Variants in EIF3B observed in about 807,000 individuals in gnomAD.
EIF3B encodes the protein eukaryotic translation initiation factor 3 subunit 9.
Under a neutral mutation model 104.6 loss-of-function variants are expected in EIF3B, and 10 were observed. The ratio of observed to expected loss-of-function variants is 0.10; its 90% CI spans 0.06 to 0.16. The LOEUF is 0.16. EIF3B is among the 10% of genes least tolerant of loss of function. The pLI, the probability that EIF3B is intolerant of heterozygous loss-of-function variation, is 1.00. For synonymous variants in EIF3B, 542 were observed against 417.2 expected, an observed-to-expected ratio of 1.30 and a Z score of -3.65; for missense variants, 1,014 against 1,087.9, an observed-to-expected ratio of 0.93 and a Z score of 0.96.
intron 12 of EIF3B, chr7:2,373,813 C>T (rs1271789167): frequency 6.6e-6 from 1 of 152,232 alleles, no homozygotes; most frequent in South Asian, 2.1e-4. Flanking sequence ...CGCATGGGCT[C>T]CATCCCATGC....
In EIF3B at chr7:2,371,933, T is replaced by C. The variant is rs1340075388; in HGVS notation, c.1687+84T>C. ...GCTTTAACACTTCCATGCGAGGGGT[T>C]GTCTGAGCAGCTGAGTCAGGACTGT... On this transcript the variant is annotated intron_variant, in intron 11 of 18. Transcript: ENST00000360876. 1.1e-5 allele frequency: 12 copies of C among 1,113,526 alleles called. No individual in the cohort carries two copies. In the East Asian group the frequency reaches 2.1e-4, roughly 20 times the overall value. 69.0% of individuals were successfully genotyped at this position (1,113,526 alleles called of 1,614,324 possible). A position where few individuals can be genotyped will look rare whatever the true frequency, so the allele number is the denominator to read the frequency against.
At chr7:2,354,576 G>A (rs1035147277), upstream of EIF3B, among the ~76,000 whole-genome samples, 2 of 152,158 alleles carry the variant, frequency 1.3e-5, no homozygotes, top group African/African-American at 4.8e-5. Context: ...AAGGAAAGGG[G>A]GAGGACGCCA....
rs764241025 is a variant in EIF3B, at chr7:2,375,497, C to T, written c.1998C>T (p.Val666=). The change falls in exon 14 of 19, where the codon GTC becomes GTT. Residue 666 remains valine (V), a synonymous_variant. Coordinates refer to ENST00000360876, the MANE Select transcript of EIF3B (RefSeq NM_001037283.2). ...AATGGGATCCTACTGGGCGCTACGT[C>T]GTCACCTCTGTGTCCTGGTGGAGCC... is the stretch of plus-strand genomic sequence containing the variant. ...DVEWDPTGRY[V]VTSVSWWSHK... is the part of the protein sequence containing the mutation. The T allele has an allele frequency of 4.3e-5, 70 of 1,614,106 alleles. No individual in the cohort carries two copies. Among genetic ancestry groups the T allele is most frequent in the Non-Finnish European group, 5.7e-5 (67 of 1,180,052 alleles).
intron 12 of EIF3B, 150 bp from the exon 13 acceptor site, chr7:2,374,378 T>A (rs1780523529): frequency 1.5e-6 from 1 of 651,514 alleles, no homozygotes; most frequent in Non-Finnish European, 2.7e-6. Flanking sequence ...TACTTGGCGA[T>A]GGACTTTGTA....
At chr7:2,361,807 C>G (rs1359685558) in intron 2 of EIF3B, among the ~76,000 whole-genome samples, 2 of 151,958 alleles carry the variant, frequency 1.3e-5, no homozygotes, top group African/African-American at 2.4e-5. Flanking sequence ...TTGAGACAGT[C>G]TCACTCTTGC....
Position 2,354,919 on chromosome 7 carries a change from C to T in EIF3B, c.-3C>T, listed in dbSNP as rs778542843. ...AGCCCTGCGAGTAGGCAGCGTTGGG[C>T]CCATGCAGGACGCGGAGAACGTGGC... On this transcript the variant is annotated 5_prime_UTR_variant, in exon 1 of 19. Coordinates refer to ENST00000360876, the MANE Select transcript of EIF3B (RefSeq NM_001037283.2). 7 of 1,227,532 alleles carry T rather than the reference C, an allele frequency of 5.7e-6. No homozygotes were observed. Among genetic ancestry groups the T allele is most frequent in the South Asian group, 4.4e-5 (2 of 45,142 alleles). The allele number at this position is 1,227,532 out of a possible 1,614,324, so 76.0% of individuals were successfully genotyped here.
chr7:2,367,348 C>G (rs573224767), intron 9 of EIF3B, among the ~76,000 whole-genome samples: 132 of 152,202 alleles, frequency 8.7e-4, no homozygotes, highest in South Asian at 1.5e-3. Flanking sequence ...CTCCCACCCC[C>G]CAAAAGGCCC....
At chr7:2,374,468 G>A (rs1780528871) in intron 12 of EIF3B, 60 bp from the exon 13 acceptor site, 2 of 1,555,976 alleles carry the variant, frequency 1.3e-6, no homozygotes, top group Non-Finnish European at 1.8e-6. Flanking sequence ...CTCCAGCCTT[G>A]GCTGCCCCGG....
At chr7:2,376,611 G>T (rs531072756) in intron 14 of EIF3B, 2 of 246,214 alleles carry the variant, frequency 8.1e-6, no homozygotes, top group Non-Finnish European at 1.6e-5. Flanking sequence ...TTTGGCACAG[G>T]GTTCAGTCCA....
intron 6 of EIF3B, among the ~76,000 whole-genome samples, chr7:2,364,905 T>G (rs1166546425): frequency 6.6e-6 from 1 of 152,272 alleles, no homozygotes; most frequent in Non-Finnish European, 1.5e-5. Flanking sequence ...AATAATGTTC[T>G]GTATAATACT....
At chr7:2,354,802 G>T, upstream of EIF3B, 1 of 927,818 alleles carries the variant, frequency 1.1e-6, no homozygotes, top group Non-Finnish European at 1.3e-6. Context: ...CCGCGGCCTT[G>T]GTGCGGCCTC....
In EIF3B at chr7:2,380,417, C is replaced by A. The variant is rs533186745; in HGVS notation, c.*228C>A. The stretch of plus-strand genomic sequence containing the variant: ...CGACACATTTTTGTGCCTTTCAGCC[C>A]CTGGTGTCTGCAGTGGGGGATTTAA... On this transcript the variant is annotated 3_prime_UTR_variant, in exon 19 of 19. Transcript: ENST00000360876. The A allele has an allele frequency of 7.5e-5, 39 of 518,628 alleles. No homozygotes were observed. The highest frequency in any genetic ancestry group is 5.2e-4 in the South Asian group (37 of 71,574). 32.1% of individuals were successfully genotyped at this position (518,628 alleles called of 1,614,324 possible).
rs543134528 is a variant in EIF3B at position 2,374,180 on chromosome 7, G to A, written c.1811-348G>A. On this transcript the variant is annotated intron_variant, in intron 12 of 18. Coordinates refer to ENST00000360876, the MANE Select transcript of EIF3B (RefSeq NM_001037283.2). The stretch of plus-strand genomic sequence containing the variant: ...CCAAAGACGCCTTGTCGCTAGGAGA[G>A]TGGCTTTGGTCTTTTGGGGTCACAC... 6 of 201,774 alleles carry A rather than the reference G, an allele frequency of 3.0e-5. No individual in the cohort carries two copies. The East Asian group carries it at 6.8e-4, about 23-fold the overall frequency. 12.5% of individuals were successfully genotyped at this position (201,774 alleles called of 1,614,324 possible). A position where few individuals can be genotyped will look rare whatever the true frequency, so the allele number is the denominator to read the frequency against.
chr7:2,378,210 G>C (rs55924724), intron 15 of EIF3B: 466 of 109,624 alleles, frequency 4.3e-3, no homozygotes, highest in Middle Eastern at 0.011. Context: ...AAGCCGTGTT[G>C]TGTGAATGAC....
intron 1 of EIF3B, among the ~76,000 whole-genome samples, chr7:2,358,974 C>T (rs769392202): frequency 6.6e-5 from 10 of 152,104 alleles, no homozygotes; most frequent in Non-Finnish European, 1.5e-4. Context: ...GTCCCTGCTA[C>T]TTGGGAGGCT....
intron 1 of EIF3B, among the ~76,000 whole-genome samples, chr7:2,358,675 C>A (rs534393052): frequency 6.6e-6 from 1 of 152,048 alleles, no homozygotes; most frequent in African/African-American, 2.4e-5. Context: ...TACAGGCACC[C>A]ACCACCATGC....
chr7:2,375,350 C>A, intron 13 of EIF3B, 39 bp from the exon 14 acceptor site: 1 of 1,609,930 alleles, frequency 6.2e-7, no homozygotes, highest in Non-Finnish European at 8.5e-7. Context: ...AGGAGGTATG[C>A]GTCTCCATGA....
At chr7:2,368,983 G>A (rs141375787) in intron 9 of EIF3B, among the ~76,000 whole-genome samples, 56 of 152,348 alleles carry the variant, frequency 3.7e-4, no homozygotes, top group African/African-American at 1.3e-3. Context: ...CTCAGGAGCC[G>A]TTCGTTACAG....
chr7:2,369,719 C>T, intron 10 of EIF3B, 37 bp downstream of exon 10: 1 of 1,584,092 alleles, frequency 6.3e-7, no homozygotes. Context: ...GATTCCTTAT[C>T]CTGAGCTCTG....
Sources: allele counts gnomAD v4.1 joint callset (sites outside exome capture counted in the v4.1 genomes callset), GRCh38; gene constraint gnomAD v4.1.1; transcripts MANE v1.5; gene names NCBI Gene and HGNC (gene_info 2026-07-23, HGNC 2026-07-21).